Variants in SERINC5 observed in about 807,000 individuals in gnomAD.
The protein encoded by SERINC5 is serine incorporator 5.
A neutral mutation model predicts 63.1 loss-of-function variants in SERINC5; 41 were observed. That is an observed-to-expected ratio of 0.65 (90% CI 0.51 to 0.84). The LOEUF is 0.84. SERINC5 is among the 40% of genes least tolerant of loss of function. SERINC5 has a pLI of 0.00. For synonymous variants in SERINC5, 222 were observed against 215.2 expected, an observed-to-expected ratio of 1.03 and a Z score of -0.28; for missense variants, 523 against 573.0, an observed-to-expected ratio of 0.91 and a Z score of 0.89.
intron 1 of SERINC5, among the ~76,000 whole-genome samples, chr5:80,212,922 T>C (rs1750502385): frequency 6.6e-6 from 1 of 152,112 alleles, no homozygotes; most frequent in Non-Finnish European, 1.5e-5. Flanking sequence ...CTTTCCCCCA[T>C]ACAAAAGAAT....
chr5:80,207,276 G>T (rs910857716), intron 1 of SERINC5, among the ~76,000 whole-genome samples: 43 of 152,324 alleles, frequency 2.8e-4, no homozygotes, highest in Non-Finnish European at 4.3e-4. Flanking sequence ...TGGGATTACA[G>T]GTGTAAGCCA....
At chr5:80,198,945 C>T (rs1051527111) in intron 2 of SERINC5, among the ~76,000 whole-genome samples, 4 of 152,146 alleles carry the variant, frequency 2.6e-5, no homozygotes, top group African/African-American at 7.2e-5. Flanking sequence ...CCCTCTCTTC[C>T]TCCCTCTCTC....
downstream of SERINC5, among the ~76,000 whole-genome samples, chr5:80,133,857 A>T (rs1331810280): frequency 6.6e-6 from 1 of 152,176 alleles, no homozygotes; most frequent in Admixed American, 6.5e-5. Context: ...GAAAGTGGGG[A>T]CTACTGATTG....
At chr5:80,229,828 C>T (rs1751358871) in intron 1 of SERINC5, among the ~76,000 whole-genome samples, 1 of 152,176 alleles carries the variant, frequency 6.6e-6, no homozygotes, top group South Asian at 2.1e-4. Context: ...GCCTCTGCTG[C>T]CTCATACAAA....
At chr5:80,172,670 T>C (rs1397275187) in intron 5 of SERINC5, among the ~76,000 whole-genome samples, 2 of 151,038 alleles carry the variant, frequency 1.3e-5, no homozygotes, top group African/African-American at 2.5e-5. Context: ...ATAAAAGGCA[T>C]ACAAAGGAAA....
chr5:80,232,211 T>C (rs1425269689), intron 1 of SERINC5, among the ~76,000 whole-genome samples: 3 of 149,776 alleles, frequency 2.0e-5, no homozygotes, highest in Non-Finnish European at 3.0e-5. Context: ...AAGACCATCC[T>C]GGCTAACACC....
chr5:80,156,106 G>A (rs1253962497), intron 8 of SERINC5, among the ~76,000 whole-genome samples: 2 of 152,116 alleles, frequency 1.3e-5, no homozygotes, highest in East Asian at 3.9e-4. Flanking sequence ...AACTTTACAA[G>A]AGTGGACCCC....
chr5:80,198,481 C>A (rs910807268), intron 2 of SERINC5: 6 of 969,336 alleles, frequency 6.2e-6, no homozygotes, highest in African/African-American at 3.5e-5. Flanking sequence ...GCTGCCCTTG[C>A]GCTCCTAACC....
chr5:80,189,842 G>A (rs1310729476), intron 2 of SERINC5, among the ~76,000 whole-genome samples: 3 of 151,878 alleles, frequency 2.0e-5, no homozygotes, highest in Non-Finnish European at 4.4e-5. Context: ...CTTCCCAGAA[G>A]CTGGGACTAG....
intron 11 of SERINC5, among the ~76,000 whole-genome samples, chr5:80,119,014 T>C (rs1334012857): frequency 6.6e-6 from 1 of 152,094 alleles, no homozygotes; most frequent in African/African-American, 2.4e-5. Flanking sequence ...CCTAAGAACA[T>C]GGACTTTAGA....
intron 11 of SERINC5, among the ~76,000 whole-genome samples, chr5:80,130,030 G>A (rs1744879466): frequency 6.6e-6 from 1 of 152,160 alleles, no homozygotes; most frequent in African/African-American, 2.4e-5. Context: ...TAAGATTGAA[G>A]GATAGTTTCA....
chr5:80,250,104 A>G lies in SERINC5; in HGVS notation c.27+5792T>C, dbSNP rs560449466. ...CAACAGGGGGTTCAGCTAGGTCACA[A>G]TAAGTGCTCTGCTTATAAGAAGAGA... On this transcript the variant is annotated intron_variant, in intron 1 of 11. Coordinates refer to ENST00000507668, the MANE Select transcript of SERINC5 (RefSeq NM_001174072.3). Among the ~76,000 whole-genome samples, 3 of 152,316 alleles carry G rather than the reference A, an allele frequency of 2.0e-5. No homozygotes were observed. In the East Asian group the frequency reaches 5.8e-4, roughly 29 times the overall value.
chr5:80,188,624 A>G (rs534748956), intron 2 of SERINC5, among the ~76,000 whole-genome samples: 1 of 152,182 alleles, frequency 6.6e-6, no homozygotes, highest in South Asian at 2.1e-4. Flanking sequence ...AGTGGCCCAC[A>G]CCTGTAATCT....
At chr5:80,147,039 A>G (rs776096671) in intron 10 of SERINC5, among the ~76,000 whole-genome samples, 25 of 152,206 alleles carry the variant, frequency 1.6e-4, no homozygotes, top group Admixed American at 1.3e-4. Flanking sequence ...ATTTGGACTG[A>G]TTCTCTCTAC....
intron 1 of SERINC5, among the ~76,000 whole-genome samples, chr5:80,243,325 A>G (rs948489965): frequency 5.3e-5 from 8 of 152,248 alleles, no homozygotes; most frequent in Non-Finnish European, 1.2e-4. Context: ...AGACTCTTAC[A>G]TAAAACATCT....
intron 2 of SERINC5, among the ~76,000 whole-genome samples, chr5:80,199,359 A>G (rs1300934408): frequency 6.6e-6 from 1 of 152,240 alleles, no homozygotes; most frequent in African/African-American, 2.4e-5. Flanking sequence ...AGGTGAGTAC[A>G]GTGCTGATGA....
downstream of SERINC5, among the ~76,000 whole-genome samples, chr5:80,135,361 A>C (rs983078523): frequency 1.1e-4 from 17 of 152,140 alleles, no homozygotes; most frequent in African/African-American, 3.1e-4. Context: ...ATAGTAAAGG[A>C]AGGCCGACCC....
At chr5:80,205,117 G>C (rs1280736819) in intron 1 of SERINC5, among the ~76,000 whole-genome samples, 6 of 152,152 alleles carry the variant, frequency 3.9e-5, no homozygotes, top group Non-Finnish European at 7.3e-5. Flanking sequence ...CTGATAAGGA[G>C]AGTTACACAG....
rs987756195 is a variant in SERINC5, at chr5:80,210,129, A to G, written c.28-7076T>C. On this transcript the variant is annotated intron_variant, in intron 1 of 11. Coordinates refer to ENST00000507668, the MANE Select transcript of SERINC5 (RefSeq NM_001174072.3). ...GCATTTGCAAATGTGGTATTGCTGT[A>G]TGTTGGGCTTTTCCCTTCTGAAGAA... Among the ~76,000 whole-genome samples, 35 of 152,320 alleles carry G rather than the reference A, an allele frequency of 2.3e-4. 1 individual carries two copies. Among genetic ancestry groups the G allele is most frequent in the African/African-American group, 7.9e-4 (33 of 41,586 alleles).
Sources: gnomAD v4.1 joint callset for allele counts (sites outside exome capture counted in the v4.1 genomes callset) on GRCh38, gnomAD v4.1.1 for gene constraint, MANE v1.5 for transcripts, NCBI Gene and HGNC (gene_info 2026-07-23, HGNC 2026-07-21) for gene names.